EBF2: variants seen among roughly 807,000 people sequenced by gnomAD.
EBF2 encodes EBF transcription factor 2.
Under a neutral mutation model 72.8 loss-of-function variants are expected in EBF2, and 21 were observed. The observed-to-expected ratio is 0.29, with a 90% CI of 0.20 to 0.42. EBF2 has a LOEUF of 0.42. Ranked by LOEUF, EBF2 falls within the 10% of genes least tolerant of loss-of-function variation. The probability of loss-of-function intolerance (pLI) is 1.00; values close to 1 mark genes in which losing one functional copy is unlikely to be tolerated. For missense variants in EBF2, 637 were observed against 731.2 expected, an observed-to-expected ratio of 0.87 and a Z score of 1.49; for synonymous variants, 299 against 274.2, an observed-to-expected ratio of 1.09 and a Z score of -0.89.
At chr8:26,041,098 C>A in intron 2 of EBF2, 96 bp from the exon 3 acceptor site, 1 of 1,428,500 alleles carries the variant, frequency 7.0e-7, no homozygotes, top group South Asian at 1.2e-5. Context: ...TCCCTTCTCC[C>A]CATCAAAAGG....
intron 6 of EBF2, among the ~76,000 whole-genome samples, chr8:25,914,179 C>T (rs1803174010): frequency 6.6e-6 from 1 of 152,208 alleles, no homozygotes; most frequent in African/African-American, 2.4e-5. Flanking sequence ...GCCCTCATAG[C>T]AACTCACTCT....
intron 6 of EBF2, among the ~76,000 whole-genome samples, chr8:26,000,302 A>G (rs1244916763): frequency 6.6e-6 from 1 of 152,148 alleles, no homozygotes; most frequent in South Asian, 2.1e-4. Flanking sequence ...TAGCTACACC[A>G]TCATCATCAA....
At chr8:25,884,020 A>C (rs1433943841) in intron 10 of EBF2, among the ~76,000 whole-genome samples, 3 of 151,986 alleles carry the variant, frequency 2.0e-5, no homozygotes, top group African/African-American at 7.3e-5. Flanking sequence ...TATCATGGTG[A>C]TCTCCTCTGG....
intron 6 of EBF2, among the ~76,000 whole-genome samples, chr8:25,931,745 G>A (rs1328474130): frequency 6.6e-6 from 1 of 152,166 alleles, no homozygotes; most frequent in Non-Finnish European, 1.5e-5. Context: ...TGGGGGAAAT[G>A]TAGATCTTCC....
intron 6 of EBF2, among the ~76,000 whole-genome samples, chr8:25,951,067 C>T (rs1803851226): frequency 6.6e-6 from 1 of 152,134 alleles, no homozygotes; most frequent in Admixed American, 6.5e-5. Flanking sequence ...GATGCTGCTT[C>T]CCTAATCCTT....
intron 6 of EBF2, among the ~76,000 whole-genome samples, chr8:25,919,910 T>G (rs1803280636): frequency 6.6e-6 from 1 of 152,226 alleles, no homozygotes; most frequent in Admixed American, 6.5e-5. Flanking sequence ...GTTTTCAGAG[T>G]TAAGCAATGC....
chr8:25,919,446 A>C (rs1222153308), intron 6 of EBF2, among the ~76,000 whole-genome samples: 1 of 152,214 alleles, frequency 6.6e-6, no homozygotes, highest in Non-Finnish European at 1.5e-5. Flanking sequence ...CAGCAAAGTC[A>C]CTATACTATC....
Position 25,853,840 on chromosome 8 carries a change from A to G in EBF2, c.1529-3079T>C, listed in dbSNP as rs978506183. Among the ~76,000 whole-genome samples, 4 of 38,684 alleles carry G rather than the reference A, an allele frequency of 1.0e-4. No homozygotes were observed. In the African/African-American group the frequency reaches 2.8e-3, roughly 27 times the overall value. The allele number at this position is 38,684 out of a possible 152,430, so 25.4% of individuals were successfully genotyped here. On this transcript the variant is annotated intron_variant, in intron 14 of 15. Coordinates refer to ENST00000520164, the MANE Select transcript of EBF2 (RefSeq NM_022659.4). Reference sequence around the variant, plus strand: ...ATGGAAATATACACCTCTTCAGATGAAAAAAAAACAGATTACATAACACAT... The same window carrying G: ...ATGGAAATATACACCTCTTCAGATGGAAAAAAAACAGATTACATAACACAT...
intron 6 of EBF2, among the ~76,000 whole-genome samples, chr8:25,986,540 G>A (rs765361320): frequency 7.9e-5 from 12 of 152,196 alleles, no homozygotes; most frequent in Non-Finnish European, 1.8e-4. Flanking sequence ...TTGACTGTGT[G>A]AAAATCTTGG....
At chr8:25,858,534 T>A in intron 13 of EBF2, 30 bp from the exon 14 acceptor site, 1 of 1,598,756 alleles carries the variant, frequency 6.3e-7, no homozygotes, top group South Asian at 1.1e-5. Flanking sequence ...CCCAGGTAAA[T>A]CAACAGGCGT....
At chr8:26,037,500 A>C (rs1414479172) in intron 5 of EBF2, among the ~76,000 whole-genome samples, 1 of 152,204 alleles carries the variant, frequency 6.6e-6, no homozygotes, top group Non-Finnish European at 1.5e-5. Context: ...AAAAGTGTCT[A>C]AATTCACACC....
intron 6 of EBF2, among the ~76,000 whole-genome samples, chr8:25,974,094 T>C (rs1427348200): frequency 1.3e-5 from 2 of 152,244 alleles, no homozygotes; most frequent in East Asian, 3.8e-4. Flanking sequence ...CAAAAGATTT[T>C]ACAGTTCTTA....
intron 10 of EBF2, among the ~76,000 whole-genome samples, chr8:25,875,909 A>T (rs1205796572): frequency 6.6e-6 from 1 of 152,238 alleles, no homozygotes; most frequent in Non-Finnish European, 1.5e-5. Context: ...TTCCATGACT[A>T]GGTATATACC....
chr8:25,941,475 C>T (rs112835101), intron 6 of EBF2, among the ~76,000 whole-genome samples: 9 of 152,090 alleles, frequency 5.9e-5, no homozygotes, highest in African/African-American at 1.2e-4. Flanking sequence ...CAAAGCGCTG[C>T]GATTACAGGC....
At chr8:25,939,387 C>T (rs1803631835) in intron 6 of EBF2, among the ~76,000 whole-genome samples, 1 of 151,972 alleles carries the variant, frequency 6.6e-6, no homozygotes, top group South Asian at 2.1e-4. Flanking sequence ...ATTGGGTCTC[C>T]GTGTGCGTGT....
At chr8:26,003,664 G>A (rs1159689097) in intron 6 of EBF2, among the ~76,000 whole-genome samples, 1 of 152,106 alleles carries the variant, frequency 6.6e-6, no homozygotes, top group East Asian at 1.9e-4. Context: ...ACTGACTGAG[G>A]AGCTGCAAGG....
At chr8:25,857,367 G>A (rs1802114458) in intron 14 of EBF2, among the ~76,000 whole-genome samples, 1 of 152,150 alleles carries the variant, frequency 6.6e-6, no homozygotes, top group Non-Finnish European at 1.5e-5. Context: ...TCTGTGACAT[G>A]TCAATTCTGA....
At chr8:25,922,506 T>C (rs1348559267) in intron 6 of EBF2, among the ~76,000 whole-genome samples, 2 of 152,220 alleles carry the variant, frequency 1.3e-5, no homozygotes, top group Non-Finnish European at 2.9e-5. Flanking sequence ...ATGTGGGGCT[T>C]TTAGATATCT....
chr8:25,985,212 A>G (rs955070813), intron 6 of EBF2, among the ~76,000 whole-genome samples: 46 of 152,154 alleles, frequency 3.0e-4, no homozygotes, highest in African/African-American at 1.1e-3. Context: ...TTCTCTGCCA[A>G]CACCAAGTGT....
Sources: gnomAD v4.1 joint callset for allele counts (sites outside exome capture counted in the v4.1 genomes callset) on GRCh38, gnomAD v4.1.1 for gene constraint, MANE v1.5 for transcripts, NCBI Gene and HGNC (gene_info 2026-07-23, HGNC 2026-07-21) for gene names.